The following EXT2 variants were observed in gnomAD, a reference collection of about 807,000 sequenced individuals.
EXT2 encodes exostosin-2.
EXT2 carries 53 observed loss-of-function variants against 81.6 expected under a neutral mutation model. That is an observed-to-expected ratio of 0.65 (90% CI 0.52 to 0.82). The LOEUF is 0.82. EXT2 is among the 40% of genes least tolerant of loss of function. EXT2 has a pLI of 0.00. For synonymous variants in EXT2, 320 were observed against 340.0 expected, an observed-to-expected ratio of 0.94 and a Z score of 0.65; for missense variants, 774 against 910.2, an observed-to-expected ratio of 0.85 and a Z score of 1.93.
chr11:44,105,716 G>A (rs763288520), intron 1 of EXT2, among the ~76,000 whole-genome samples: 1 of 152,174 alleles, frequency 6.6e-6, no homozygotes, highest in African/African-American at 2.4e-5. Flanking sequence ...AACAGTATCC[G>A]GGAATCATAT....
chr11:44,179,992 A>G (rs1002109559), intron 8 of EXT2, among the ~76,000 whole-genome samples: 6 of 152,228 alleles, frequency 3.9e-5, no homozygotes, highest in African/African-American at 1.4e-4. Context: ...TGCTTCAACC[A>G]GAGGTTGATT....
chr11:44,219,462 C>T (rs545613233), intron 10 of EXT2, among the ~76,000 whole-genome samples: 20 of 152,192 alleles, frequency 1.3e-4, no homozygotes, highest in Non-Finnish European at 1.8e-4. Context: ...CCACTGCACT[C>T]CAGCCTGGGC....
intron 2 of EXT2, among the ~76,000 whole-genome samples, chr11:44,108,991 A>C (rs1954101719): frequency 6.6e-6 from 1 of 152,196 alleles, no homozygotes. Flanking sequence ...GACAAGCTTG[A>C]AGTACACGTG....
At chr11:44,145,185 G>A (rs1042863753) in intron 7 of EXT2, among the ~76,000 whole-genome samples, 1 of 152,042 alleles carries the variant, frequency 6.6e-6, no homozygotes, top group African/African-American at 2.4e-5. Context: ...CAAATCCAGG[G>A]AGCTGTCGAT....
intron 7 of EXT2, among the ~76,000 whole-genome samples, chr11:44,150,179 G>A (rs937316993): frequency 6.6e-6 from 1 of 152,312 alleles, no homozygotes; most frequent in Admixed American, 6.5e-5. Context: ...CAAGATCTTT[G>A]CAGCTAACCA....
Position 44,213,162 on chromosome 11 carries a change from C to T in EXT2, c.1662+6203C>T, listed in dbSNP as rs577964363. On this transcript the variant is annotated intron_variant, in intron 10 of 13. Coordinates refer to ENST00000533608, the MANE Select transcript of EXT2 (RefSeq NM_207122.2). ...AGAAGAAAAGTCTAAAAGCAGTGACCAAAAGTTCATTCCATCTTAAGAACC... is the reference window on the plus strand; with the variant it reads ...AGAAGAAAAGTCTAAAAGCAGTGACTAAAAGTTCATTCCATCTTAAGAACC... 2.0e-5 allele frequency among the ~76,000 whole-genome samples: 3 copies of T among 151,862 alleles called. No individual in the cohort carries two copies. The South Asian group carries it at 6.3e-4, about 32-fold the overall frequency.
At chr11:44,119,134 A>G (rs1193981676) in intron 4 of EXT2, among the ~76,000 whole-genome samples, 9 of 28,064 alleles carry the variant, frequency 3.2e-4, no homozygotes, top group African/African-American at 1.2e-3. Context: ...TTATATATAT[A>G]TATATATATA....
chr11:44,177,217 T>C (rs1315716615), intron 8 of EXT2, among the ~76,000 whole-genome samples: 1 of 152,218 alleles, frequency 6.6e-6, no homozygotes, highest in Admixed American at 6.5e-5. Context: ...AGGGGAAGTG[T>C]GCATGTTTTT....
chr11:44,205,657 C>T (rs2135201468), intron 9 of EXT2, among the ~76,000 whole-genome samples: 1 of 152,326 alleles, frequency 6.6e-6, no homozygotes, highest in East Asian at 1.9e-4. Flanking sequence ...AGAAGTAAAA[C>T]ATTTTATCTG....
In EXT2 at chr11:44,213,747, A is replaced by C. The variant is rs201302421; in HGVS notation, c.1662+6788A>C. On this transcript the variant is annotated intron_variant, in intron 10 of 13. Coordinates refer to ENST00000533608, the MANE Select transcript of EXT2 (RefSeq NM_207122.2). ...CAGAGACTTGTGGGACAATCACAAA[A>C]GATATAATATTTGTGTCATTAGAAT... is the stretch of plus-strand genomic sequence containing the variant. Among the ~76,000 whole-genome samples the C allele has an allele frequency of 2.0e-5, 3 of 152,226 alleles. No homozygotes were observed. In the East Asian group the frequency reaches 5.8e-4, roughly 29 times the overall value.
At chr11:44,200,677 G>T (rs972722120) in intron 9 of EXT2, among the ~76,000 whole-genome samples, 4 of 152,134 alleles carry the variant, frequency 2.6e-5, no homozygotes, top group African/African-American at 9.7e-5. Flanking sequence ...GGGGAGTTGG[G>T]TCATGAGACC....
At chr11:44,130,239 T>C in intron 7 of EXT2, 101 bp downstream of exon 7, 1 of 864,364 alleles carries the variant, frequency 1.2e-6, no homozygotes, top group Non-Finnish European at 2.0e-6. Flanking sequence ...TGGGGTTTAC[T>C]TCCTCCACTA....
chr11:44,186,571 G>C (rs897433573), intron 8 of EXT2, among the ~76,000 whole-genome samples: 2 of 152,172 alleles, frequency 1.3e-5, no homozygotes, highest in African/African-American at 4.8e-5. Flanking sequence ...TGGGCATTTA[G>C]CCAAATGTGA....
intron 8 of EXT2, among the ~76,000 whole-genome samples, chr11:44,192,750 A>C (rs1238919143): frequency 6.6e-6 from 1 of 152,194 alleles, no homozygotes; most frequent in Non-Finnish European, 1.5e-5. Flanking sequence ...TACATGTCAC[A>C]AGACTAGTAC....
intron 8 of EXT2, among the ~76,000 whole-genome samples, chr11:44,177,535 A>C (rs1278762652): frequency 4.6e-5 from 7 of 152,222 alleles, no homozygotes; most frequent in African/African-American, 1.7e-4. Context: ...AGTGAGCTTC[A>C]AACAGTGAAT....
intron 7 of EXT2, among the ~76,000 whole-genome samples, chr11:44,138,368 C>T (rs1011318648): frequency 2.0e-5 from 3 of 152,070 alleles, no homozygotes; most frequent in Non-Finnish European, 2.9e-5. Context: ...CAAGTAAGCC[C>T]TAGAGTTGCA....
chr11:44,208,198 A>ATT lies in EXT2; in HGVS notation c.1662+1251_1662+1252dup, dbSNP rs34432174. On this transcript the variant is annotated intron_variant, in intron 10 of 13. Transcript: ENST00000533608. The stretch of plus-strand genomic sequence containing the variant: ...TAGCCAAGTAATGGCAAAAAGACTA[A>ATT]TTTTTTTTTTTTTGCGAGTGATTTC... Among the ~76,000 whole-genome samples the ATT allele has an allele frequency of 6.8e-4, 99 of 145,444 alleles. 1 individual carries two copies. Among genetic ancestry groups the ATT allele is most frequent in the East Asian group, 5.8e-3 (29 of 5,036 alleles).
intron 8 of EXT2, among the ~76,000 whole-genome samples, chr11:44,196,214 T>C (rs1474718203): frequency 6.6e-6 from 1 of 152,248 alleles, no homozygotes; most frequent in African/African-American, 2.4e-5. Flanking sequence ...ACTCACATGT[T>C]CCTCACCTAT....
chr11:44,168,575 A>C (rs1335570761), intron 7 of EXT2, among the ~76,000 whole-genome samples: 1 of 152,192 alleles, frequency 6.6e-6, no homozygotes, highest in Non-Finnish European at 1.5e-5. Flanking sequence ...AAGACAGAGA[A>C]AGCTTAAATG....
Sources: allele counts gnomAD v4.1 joint callset (sites outside exome capture counted in the v4.1 genomes callset), GRCh38; gene constraint gnomAD v4.1.1; transcripts MANE v1.5; gene names NCBI Gene and HGNC (gene_info 2026-07-23, HGNC 2026-07-21).